Variants in PRKCA observed in about 807,000 individuals in gnomAD.
The protein encoded by PRKCA is protein kinase C alpha type.
PRKCA carries 27 observed loss-of-function variants against 87.0 expected under a neutral mutation model. The ratio of observed to expected loss-of-function variants is 0.31; its 90% confidence interval spans 0.23 to 0.43. The LOEUF (loss-of-function observed/expected upper bound fraction) is 0.43. Among genes scored for constraint, PRKCA ranks in the 20% least tolerant of loss-of-function variants. The pLI, the probability that PRKCA is intolerant of heterozygous loss-of-function variation, is 1.00. For missense variants in PRKCA, 518 were observed against 852.3 expected (o/e 0.61, Z 4.88); for synonymous variants, 329 against 311.1 (o/e 1.06, Z -0.61).
intron 2 of PRKCA, among the ~76,000 whole-genome samples, chr17:66,382,507 G>C (rs1342863843): frequency 2.0e-5 from 3 of 152,146 alleles, no homozygotes; most frequent in African/African-American, 7.2e-5. Context: ...CACCATGTCA[G>C]CCAGGCTGGT....
At chr17:66,764,181 C>G (rs936133181) in intron 13 of PRKCA, among the ~76,000 whole-genome samples, 1 of 152,204 alleles carries the variant, frequency 6.6e-6, no homozygotes, top group African/African-American at 2.4e-5. Flanking sequence ...ATTAGGTGAG[C>G]TTCAGAGCTA....
chr17:66,617,713 C>G (rs1452621789), intron 3 of PRKCA, among the ~76,000 whole-genome samples: 1 of 152,140 alleles, frequency 6.6e-6, no homozygotes, highest in East Asian at 1.9e-4. Flanking sequence ...CTCCATAGAA[C>G]TGCTTGATGA....
chr17:66,563,548 C>T (rs1396978513), intron 3 of PRKCA, among the ~76,000 whole-genome samples: 2 of 152,186 alleles, frequency 1.3e-5, no homozygotes, highest in East Asian at 3.8e-4. Flanking sequence ...TCTGGGTATA[C>T]CATGGTTTAT....
chr17:66,593,042 A>G (rs1157466583), intron 3 of PRKCA, among the ~76,000 whole-genome samples: 2 of 152,184 alleles, frequency 1.3e-5, no homozygotes, highest in Non-Finnish European at 2.9e-5. Context: ...CACCCGCCTC[A>G]GCCTACCAAA....
chr17:66,475,456 T>C (rs1915499991), intron 2 of PRKCA, among the ~76,000 whole-genome samples: 1 of 152,220 alleles, frequency 6.6e-6, no homozygotes, highest in African/African-American at 2.4e-5. Flanking sequence ...TCCTTATTAC[T>C]CAGTGGAGTC....
intron 3 of PRKCA, among the ~76,000 whole-genome samples, chr17:66,502,862 T>C (rs373508564): frequency 6.6e-6 from 1 of 151,944 alleles, no homozygotes; most frequent in East Asian, 1.9e-4. Flanking sequence ...GGTTTCACCA[T>C]GTTAGCCAGG....
intron 3 of PRKCA, among the ~76,000 whole-genome samples, chr17:66,565,210 G>A (rs1968851776): frequency 6.6e-6 from 1 of 152,168 alleles, no homozygotes; most frequent in African/African-American, 2.4e-5. Flanking sequence ...GTCAGAATGA[G>A]TACTCAGGAA....
chr17:66,731,775 CTTTTTTT>C (rs796884841), intron 8 of PRKCA, among the ~76,000 whole-genome samples: 1 of 71,420 alleles, frequency 1.4e-5, no homozygotes, highest in East Asian at 5.0e-4. Context: ...TGCTCCCTTT[CTTTTTTT>C]TTTTTTTTTT....
At chr17:66,461,604 C>T (rs954066440) in intron 2 of PRKCA, among the ~76,000 whole-genome samples, 3 of 152,164 alleles carry the variant, frequency 2.0e-5, no homozygotes, top group Non-Finnish European at 2.9e-5. Flanking sequence ...TCAGAGAGCT[C>T]GCGTGCTAGG....
At chr17:66,524,904 G>T (rs946408823) in intron 3 of PRKCA, among the ~76,000 whole-genome samples, 1 of 152,200 alleles carries the variant, frequency 6.6e-6, no homozygotes, top group African/African-American at 2.4e-5. Context: ...ATATGTGACT[G>T]CTAGGTATAT....
intron 3 of PRKCA, among the ~76,000 whole-genome samples, chr17:66,589,801 G>A (rs1362974449): frequency 1.3e-5 from 2 of 152,116 alleles, no homozygotes; most frequent in Non-Finnish European, 2.9e-5. Flanking sequence ...CAACCTTTTT[G>A]GTGCAGGGAC....
chr17:66,365,407 C>T lies in PRKCA; in HGVS notation c.205+59280C>T, dbSNP rs142428296. Among the ~76,000 whole-genome samples the T allele has an allele frequency of 2.2e-3, 337 of 152,222 alleles. 1 individual carries two copies. The highest frequency in any genetic ancestry group is 7.7e-3 in the African/African-American group (319 of 41,526). On this transcript the variant is annotated intron_variant, in intron 2 of 16. Coordinates refer to ENST00000413366, the MANE Select transcript of PRKCA (RefSeq NM_002737.3). ...AGAGGGTGTGAGTAGATGACCCAAG[C>T]CCTGGACTAAGCCCTTTAGGTACAT...
intron 10 of PRKCA, among the ~76,000 whole-genome samples, chr17:66,736,046 A>C (rs1358450460): frequency 2.7e-5 from 4 of 149,782 alleles, no homozygotes; most frequent in Admixed American, 6.7e-5. Flanking sequence ...ACACTCAGCT[A>C]ATTTTTGTAT....
At chr17:66,487,876 G>T (rs757097240) in intron 2 of PRKCA, among the ~76,000 whole-genome samples, 4 of 152,024 alleles carry the variant, frequency 2.6e-5, no homozygotes, top group African/African-American at 4.8e-5. Context: ...AAGAGTTTGA[G>T]AATATTTTTT....
intron 5 of PRKCA, among the ~76,000 whole-genome samples, chr17:66,648,139 G>A (rs1207428015): frequency 6.6e-6 from 1 of 152,172 alleles, no homozygotes; most frequent in African/African-American, 2.4e-5. Context: ...CAGAAGGAGG[G>A]CAGGCTGTGT....
intron 2 of PRKCA, among the ~76,000 whole-genome samples, chr17:66,380,109 G>A (rs1002179633): frequency 1.3e-5 from 2 of 151,994 alleles, no homozygotes; most frequent in Non-Finnish European, 2.9e-5. Context: ...CTACTAAGAC[G>A]AGATCCAATT....
intron 5 of PRKCA, 65 bp from the exon 6 acceptor site, chr17:66,687,046 A>G (rs1051437213): frequency 2.3e-5 from 32 of 1,397,946 alleles, no homozygotes; most frequent in Non-Finnish European, 3.1e-5. Flanking sequence ...TGGTATTGAC[A>G]CAAGACAGCG....
intron 14 of PRKCA, chr17:66,777,872 C>G: frequency 1.0e-6 from 1 of 985,372 alleles, no homozygotes; most frequent in Non-Finnish European, 1.2e-6. Flanking sequence ...GGAAAGTCCT[C>G]CTCCCTCCCG....
At chr17:66,765,986 G>A (rs1168462063) in intron 13 of PRKCA, among the ~76,000 whole-genome samples, 1 of 152,156 alleles carries the variant, frequency 6.6e-6, no homozygotes, top group South Asian at 2.1e-4. Flanking sequence ...AAGGTGACAC[G>A]TTTCTCTGGG....
Sources: gnomAD v4.1 joint callset for allele counts (sites outside exome capture counted in the v4.1 genomes callset) on GRCh38, gnomAD v4.1.1 for gene constraint, MANE v1.5 for transcripts, NCBI Gene and HGNC (gene_info 2026-07-23, HGNC 2026-07-21) for gene names.